Variants in MACROD2 observed in about 807,000 individuals in gnomAD.
The protein encoded by MACROD2 is ADP-ribose glycohydrolase MACROD2.
MACROD2 carries 36 observed loss-of-function variants against 70.4 expected under a neutral mutation model. That is an observed-to-expected ratio of 0.51 (90% CI 0.39 to 0.68). The LOEUF (loss-of-function observed/expected upper bound fraction) is 0.68, where lower values mean the gene tolerates loss of function less well. MACROD2 is among the 30% of genes least tolerant of loss of function. The pLI is 0.00. For missense variants in MACROD2, 496 were observed against 538.4 expected, an observed-to-expected ratio of 0.92 and a Z score of 0.78; for synonymous variants, 172 against 178.8, an observed-to-expected ratio of 0.96 and a Z score of 0.30.
intron 13 of MACROD2, among the ~76,000 whole-genome samples, chr20:15,972,366 G>A (rs949649371): frequency 6.6e-6 from 1 of 152,116 alleles, no homozygotes; most frequent in African/African-American, 2.4e-5. Context: ...ACCCACATAT[G>A]CAAGAAGTTC....
chr20:14,841,944 G>A (rs943924459), intron 5 of MACROD2, among the ~76,000 whole-genome samples: 4 of 151,924 alleles, frequency 2.6e-5, no homozygotes, highest in African/African-American at 9.7e-5. Flanking sequence ...TTTTTTATAA[G>A]TACCTGTCTT....
intron 3 of MACROD2, among the ~76,000 whole-genome samples, chr20:14,363,863 T>C (rs1166988996): frequency 6.9e-6 from 1 of 144,918 alleles, no homozygotes; most frequent in Non-Finnish European, 1.5e-5. Flanking sequence ...GATTATAAGA[T>C]TAGGACCACA....
chr20:15,967,681 G>GAAA (rs11467891), intron 13 of MACROD2, 51 bp downstream of exon 13: 678 of 416,910 alleles, frequency 1.6e-3, no homozygotes, highest in South Asian at 3.4e-3. Context: ...CTGGGAAACA[G>GAAA]AAAAAAAAAA....
intron 4 of MACROD2, among the ~76,000 whole-genome samples, chr20:14,608,602 CT>C (rs1372930940): frequency 1.3e-5 from 2 of 152,156 alleles, no homozygotes; most frequent in African/African-American, 4.8e-5. Context: ...TGTGCCAGGA[CT>C]GTACTGGGTG....
intron 8 of MACROD2, among the ~76,000 whole-genome samples, chr20:15,510,395 C>T (rs1347246557): frequency 6.6e-6 from 1 of 152,058 alleles, no homozygotes; most frequent in Non-Finnish European, 1.5e-5. Context: ...TGGACTAGGA[C>T]TCGTATGCTG....
At chr20:15,444,527 A>G (rs569081946) in intron 7 of MACROD2, among the ~76,000 whole-genome samples, 2 of 152,184 alleles carry the variant, frequency 1.3e-5, no homozygotes, top group African/African-American at 4.8e-5. Flanking sequence ...CTGCTGGCCT[A>G]TGCAGTGATG....
intron 15 of MACROD2, among the ~76,000 whole-genome samples, chr20:16,035,096 T>TAAAA (rs2067207815): frequency 7.6e-5 from 1 of 13,240 alleles, no homozygotes; most frequent in East Asian, 5.0e-3. Context: ...ATATAAAATA[T>TAAAA]TATATATTAT....
At chr20:14,542,684 A>G (rs376556364) in intron 4 of MACROD2, among the ~76,000 whole-genome samples, 16 of 152,314 alleles carry the variant, frequency 1.1e-4, no homozygotes, top group African/African-American at 3.8e-4. Flanking sequence ...GGATTAAACA[A>G]TGGATTGAAG....
intron 8 of MACROD2, among the ~76,000 whole-genome samples, chr20:15,817,708 C>T (rs1232393052): frequency 6.6e-6 from 1 of 152,030 alleles, no homozygotes; most frequent in Non-Finnish European, 1.5e-5. Context: ...ACCACCACAC[C>T]CTTCTAATCT....
At chr20:14,789,283 A>G (rs896353980) in intron 5 of MACROD2, among the ~76,000 whole-genome samples, 7 of 151,850 alleles carry the variant, frequency 4.6e-5, no homozygotes, top group South Asian at 2.1e-4. Context: ...CTAAATGGTA[A>G]TAAAACCATC....
At chr20:15,246,920 G>C (rs2077111009) in intron 6 of MACROD2, among the ~76,000 whole-genome samples, 1 of 152,156 alleles carries the variant, frequency 6.6e-6, no homozygotes, top group Non-Finnish European at 1.5e-5. Context: ...GATGAATCTT[G>C]AAAATGTTAT....
chr20:15,238,562 G>C (rs903711516), intron 6 of MACROD2, among the ~76,000 whole-genome samples: 1 of 151,906 alleles, frequency 6.6e-6, no homozygotes, highest in South Asian at 2.1e-4. Context: ...CAAATTATGT[G>C]TTCTTTCAAT....
At chr20:14,270,661 C>A (rs1165133340) in intron 3 of MACROD2, among the ~76,000 whole-genome samples, 1 of 151,648 alleles carries the variant, frequency 6.6e-6, no homozygotes, top group Non-Finnish European at 1.5e-5. Context: ...AAATGTCTTG[C>A]ATTTTCTCAA....
At chr20:15,544,683 C>T (rs1006231185) in intron 8 of MACROD2, among the ~76,000 whole-genome samples, 2 of 152,214 alleles carry the variant, frequency 1.3e-5, no homozygotes, top group African/African-American at 4.8e-5. Flanking sequence ...GCACGCCAGC[C>T]TTCCTAGTGT....
chr20:15,632,943 T>C (rs796315789), intron 8 of MACROD2, among the ~76,000 whole-genome samples: 5 of 151,170 alleles, frequency 3.3e-5, no homozygotes, highest in African/African-American at 1.2e-4. Flanking sequence ...TCTTCCTTCC[T>C]CCCCTCCTTC....
chr20:15,786,608 A>G (rs2051931764), intron 8 of MACROD2, among the ~76,000 whole-genome samples: 1 of 152,216 alleles, frequency 6.6e-6, no homozygotes, highest in Non-Finnish European at 1.5e-5. Flanking sequence ...CAAATAACAA[A>G]TTATCTCACA....
rs111936283 is a variant in MACROD2 at position 15,335,393 on chromosome 20, T to G, written c.541-96012T>G. 6.1e-4 allele frequency among the ~76,000 whole-genome samples: 93 copies of G among 151,846 alleles called. 4 individuals are homozygous for G. Among genetic ancestry groups the G allele is most frequent in the African/African-American group, 2.2e-3 (90 of 41,132 alleles). On this transcript the variant is annotated intron_variant, in intron 6 of 17. Transcript: ENST00000684519. ...TCCATCTATTATATGTAATCAGATT[T>G]GTATCTCTGTTGTAGAAAGTCTTAT... is the stretch of plus-strand genomic sequence containing the variant.
chr20:15,813,501 G>T lies in MACROD2; in HGVS notation c.646-49244G>T, dbSNP rs57852046. Among the ~76,000 whole-genome samples, 249 of 152,310 alleles carry T rather than the reference G, an allele frequency of 1.6e-3. 1 individual carries two copies. The East Asian group carries it at 0.035, about 22-fold the overall frequency. On this transcript the variant is annotated intron_variant, in intron 8 of 17. Transcript: ENST00000684519. ...CTTGAATATTAAAATATCCTGGCTGGATGCAGTGGCTCACACTTATAATCA... is the reference window on the plus strand; with the variant it reads ...CTTGAATATTAAAATATCCTGGCTGTATGCAGTGGCTCACACTTATAATCA...
intron 5 of MACROD2, among the ~76,000 whole-genome samples, chr20:15,020,953 A>G (rs1326998956): frequency 1.3e-5 from 2 of 150,126 alleles, no homozygotes; most frequent in Non-Finnish European, 3.0e-5. Flanking sequence ...ATGTATACAT[A>G]TATATGTAAT....
Sources: gnomAD v4.1 joint callset for allele counts (sites outside exome capture counted in the v4.1 genomes callset) on GRCh38, gnomAD v4.1.1 for gene constraint, MANE v1.5 for transcripts, NCBI Gene and HGNC (gene_info 2026-07-23, HGNC 2026-07-21) for gene names.